The following FBLN1 variants were observed in gnomAD, a reference collection of about 807,000 sequenced individuals.
The protein encoded by FBLN1 is fibulin-1.
In FBLN1, 34 loss-of-function variants were observed where a neutral mutation model predicts 89.7. That is an observed-to-expected ratio of 0.38 (90% CI 0.29 to 0.50). The LOEUF is 0.50. Ranked by LOEUF, FBLN1 falls within the 20% of genes least tolerant of loss-of-function variation. The pLI is 0.92. For synonymous variants in FBLN1, 393 were observed against 391.3 expected (o/e 1.00, Z -0.05); for missense variants, 777 against 988.1 (o/e 0.79, Z 2.86).
intron 1 of FBLN1, among the ~76,000 whole-genome samples, chr22:45,510,193 A>G (rs752319255): frequency 2.6e-4 from 39 of 152,276 alleles, no homozygotes; most frequent in Non-Finnish European, 4.6e-4. Flanking sequence ...GAGGTAGGGG[A>G]CATTTTAATG....
At chr22:45,591,168 T>G (rs754660618) in intron 16 of FBLN1, among the ~76,000 whole-genome samples, 6 of 152,174 alleles carry the variant, frequency 3.9e-5, no homozygotes, top group Non-Finnish European at 5.9e-5. Context: ...GGGTCTGGGC[T>G]CCAGTTCTGG....
chr22:45,508,220 C>G (rs2088049742), intron 1 of FBLN1, among the ~76,000 whole-genome samples: 1 of 151,868 alleles, frequency 6.6e-6, no homozygotes, highest in African/African-American at 2.4e-5. Context: ...AGCAGCAGGA[C>G]TTGAGCTTGG....
intron 16 of FBLN1, among the ~76,000 whole-genome samples, chr22:45,598,729 T>G (rs3827397): frequency 0.29 from 44,493 of 152,152 alleles, 9,487 homozygotes; most frequent in African/African-American, 0.6. Flanking sequence ...AGCACCTGTT[T>G]AGCACATGTG....
At chr22:45,573,260 T>G (rs1174675310) in intron 14 of FBLN1, among the ~76,000 whole-genome samples, 1 of 151,020 alleles carries the variant, frequency 6.6e-6, no homozygotes, top group Non-Finnish European at 1.5e-5. Context: ...GAAAAGAAAA[T>G]AAAGGAACAG....
intron 16 of FBLN1, among the ~76,000 whole-genome samples, chr22:45,584,917 AT>A (rs1258173231): frequency 2.6e-5 from 4 of 152,230 alleles, no homozygotes; most frequent in Non-Finnish European, 4.4e-5. Context: ...GAATTATCTT[AT>A]TCATTCAACA....
At chr22:45,565,397 C>A (rs1295977204) in intron 14 of FBLN1, 3 of 702,270 alleles carry the variant, frequency 4.3e-6, no homozygotes, top group Non-Finnish European at 6.0e-6. Context: ...CTTGCCCTTC[C>A]CTGAATCTGC....
At chr22:45,522,040 C>T (rs548049158) in intron 2 of FBLN1, among the ~76,000 whole-genome samples, 1 of 151,986 alleles carries the variant, frequency 6.6e-6, no homozygotes, top group South Asian at 2.1e-4. Flanking sequence ...GGCTGGAGTG[C>T]AATGGCGCAA....
rs73892713 is a variant in FBLN1, at chr22:45,542,053, T to C, written c.1067-102T>C. ...GTCGTGTTGAAATGGAATGCCTGTT[T>C]CCATGTCCATGTGTTCCTTTCTTGC... On this transcript the variant is annotated intron_variant, in intron 9 of 16. Coordinates refer to ENST00000327858, the MANE Select transcript of FBLN1 (RefSeq NM_006486.3). The C allele has an allele frequency of 2.2e-3, 3,453 of 1,556,196 alleles. 63 individuals are homozygous for C. In the African/African-American group the frequency reaches 0.041, roughly 18 times the overall value.
chr22:45,596,250 C>A (rs1485826643), intron 16 of FBLN1, among the ~76,000 whole-genome samples: 1 of 152,208 alleles, frequency 6.6e-6, no homozygotes, highest in Non-Finnish European at 1.5e-5. Flanking sequence ...GGGGGTCCTA[C>A]CACGGAGCCA....
chr22:45,578,133 C>G lies in FBLN1; in HGVS notation c.1972+1025C>G, dbSNP rs2089013281. On this transcript the variant is annotated intron_variant, in intron 16 of 16. Transcript: ENST00000327858. This position sits in a 1 kb window ranked among gnomAD's most constrained non-coding sequence, Gnocchi z 4.6. ...GGAGTCCGGGAGGTCCTAACCAGAA[C>G]CCACGAGCGTGCAGTGCGCACAGAG... The G allele has an allele frequency of 6.6e-6, 1 of 152,146 alleles. No individual in the cohort carries two copies. Among genetic ancestry groups the G allele is most frequent in the African/African-American group, 2.4e-5 (1 of 41,426 alleles). The allele number at this position is 152,146 out of a possible 1,614,324, so 9.4% of individuals were successfully genotyped here.
In FBLN1 at chr22:45,508,976, A is replaced by T. The variant is rs151164839; in HGVS notation, c.79+5912A>T. 2.2e-4 allele frequency among the ~76,000 whole-genome samples: 33 copies of T among 152,324 alleles called. No homozygotes were observed. In the South Asian group the frequency reaches 3.5e-3, roughly 16 times the overall value. On this transcript the variant is annotated intron_variant, in intron 1 of 16. Coordinates refer to ENST00000327858, the MANE Select transcript of FBLN1 (RefSeq NM_006486.3). ...ATTTGTCCCATGTGCATGCGTGTATATGTGCATATGTGTGTGCATTGGCGG... is the reference window on the plus strand; with the variant it reads ...ATTTGTCCCATGTGCATGCGTGTATTTGTGCATATGTGTGTGCATTGGCGG...
intron 2 of FBLN1, among the ~76,000 whole-genome samples, chr22:45,521,711 C>T (rs1055583511): frequency 1.1e-4 from 16 of 152,256 alleles, no homozygotes; most frequent in Middle Eastern, 3.4e-3. Context: ...GTGAGCAGGA[C>T]CCCGCCCCAG....
Position 45,518,170 on chromosome 22 carries a change from T to C in FBLN1, c.80-512T>C, listed in dbSNP as rs1290180647. 2.0e-5 allele frequency among the ~76,000 whole-genome samples: 3 copies of C among 151,978 alleles called. 1 individual carries two copies. Among genetic ancestry groups the C allele is most frequent in the African/African-American group, 7.2e-5 (3 of 41,382 alleles). ...AAAAAAAAGAAAATTTTTTTTTCCT[T>C]CTTACTTGACTCAGCTCGTTGCATT... On this transcript the variant is annotated intron_variant, in intron 1 of 16. Transcript: ENST00000327858.
At chr22:45,564,973 A>G (rs747317481) in intron 14 of FBLN1, 2 of 1,614,052 alleles carry the variant, frequency 1.2e-6, no homozygotes, top group Non-Finnish European at 1.7e-6. Context: ...GGGTTGGAGG[A>G]TACCCACCTT....
chr22:45,589,081 A>G (rs1274996684), intron 16 of FBLN1, among the ~76,000 whole-genome samples: 1 of 145,518 alleles, frequency 6.9e-6, no homozygotes, highest in Non-Finnish European at 1.5e-5. Context: ...ATATAAAAAT[A>G]TTTTTTATAT....
At chr22:45,547,481 A>G (rs2088647314) in intron 12 of FBLN1, among the ~76,000 whole-genome samples, 1 of 137,888 alleles carries the variant, frequency 7.3e-6, no homozygotes, top group African/African-American at 2.8e-5. Flanking sequence ...CTGCAGCCTC[A>G]GCTTCCCAGG....
chr22:45,546,701 C>T (rs981683794), intron 11 of FBLN1, among the ~76,000 whole-genome samples: 5 of 152,066 alleles, frequency 3.3e-5, no homozygotes, highest in Admixed American at 1.3e-4. Flanking sequence ...GCTGGGTGGC[C>T]GAGGACTTCC....
chr22:45,542,405 A>G (rs1200736664), intron 10 of FBLN1, 122 bp downstream of exon 10: 46 of 1,348,294 alleles, frequency 3.4e-5, no homozygotes, highest in Non-Finnish European at 4.8e-5. Context: ...GTGCAGGCAG[A>G]CCCTGAGAGA....
Position 45,534,043 on chromosome 22 carries a change from A to T in FBLN1, c.784+145A>T, listed in dbSNP as rs1673711540. The T allele has an allele frequency of 2.7e-6, 3 of 1,123,150 alleles. No homozygotes were observed. In the Admixed American group the frequency reaches 5.3e-5, roughly 20 times the overall value. 69.6% of individuals were successfully genotyped at this position (1,123,150 alleles called of 1,614,324 possible). A position where few individuals can be genotyped will look rare whatever the true frequency, so the allele number is the denominator to read the frequency against. ...GACTGCCTGCTCATCTGCAGGAGGGAGGTGGTTATACCCACCAGGGTGTCT... is the reference window on the plus strand; with the variant it reads ...GACTGCCTGCTCATCTGCAGGAGGGTGGTGGTTATACCCACCAGGGTGTCT... On this transcript the variant is annotated intron_variant, in intron 7 of 16. Coordinates refer to ENST00000327858, the MANE Select transcript of FBLN1 (RefSeq NM_006486.3).
Sources: gnomAD v4.1 joint callset for allele counts (sites outside exome capture counted in the v4.1 genomes callset) on GRCh38, gnomAD v4.1.1 for gene constraint, Gnocchi (gnomAD v3.1) non-coding constraint, MANE v1.5 for transcripts, NCBI Gene and HGNC (gene_info 2026-07-23, HGNC 2026-07-21) for gene names.